Variants in TRAF2 observed in about 807,000 individuals in gnomAD.
TRAF2 encodes the protein TNF receptor-associated factor 2.
TRAF2 carries 6 observed loss-of-function variants against 55.6 expected under a neutral mutation model. The observed-to-expected ratio is 0.11, with a 90% CI of 0.06 to 0.21. The LOEUF is 0.21. TRAF2 is among the 10% of genes least tolerant of loss of function. The pLI is 1.00. For synonymous variants in TRAF2, 329 were observed against 276.3 expected (o/e 1.19, Z -1.89); for missense variants, 561 against 684.5 (o/e 0.82, Z 2.01).
chr9:136,898,585 G>A lies in TRAF2; in HGVS notation c.-28-128G>A, dbSNP rs1849740883. ...TGAAGCTCTGCGATTCTGCTTCTCT[G>A]AGTCTTGACCGCAGGTCAGTGGGGA... On this transcript the variant is annotated intron_variant, in intron 1 of 10. Coordinates refer to ENST00000247668, the MANE Select transcript of TRAF2 (RefSeq NM_021138.4). 7 of 1,463,716 alleles carry A rather than the reference G, an allele frequency of 4.8e-6. No homozygotes were observed. The Admixed American group carries it at 1.6e-4, about 34-fold the overall frequency. The allele number at this position is 1,463,716 out of a possible 1,614,324, so 90.7% of individuals were successfully genotyped here. A position where few individuals can be genotyped will look rare whatever the true frequency, so the allele number is the denominator to read the frequency against.
At chr9:136,907,633 T>C (rs2131305931) in intron 4 of TRAF2, among the ~76,000 whole-genome samples, 1 of 152,206 alleles carries the variant, frequency 6.6e-6, no homozygotes, top group South Asian at 2.1e-4. Context: ...GCAATGAGGA[T>C]GGGGCTGGGA....
chr9:136,921,581 G>T (rs1015396033), intron 9 of TRAF2, among the ~76,000 whole-genome samples: 33 of 152,110 alleles, frequency 2.2e-4, no homozygotes, highest in Non-Finnish European at 4.4e-5. Flanking sequence ...GGCGGGTGGG[G>T]GTGGCTGTGG....
At chr9:136,902,876 C>G (rs554620739) in intron 4 of TRAF2, among the ~76,000 whole-genome samples, 1 of 152,068 alleles carries the variant, frequency 6.6e-6, no homozygotes, top group Non-Finnish European at 1.5e-5. Flanking sequence ...CCTTGATGGT[C>G]GGAACTTTAT....
chr9:136,920,372 G>A lies in TRAF2; in HGVS notation c.817G>A (p.Glu273Lys), dbSNP rs755691522. 4 of 1,614,128 alleles carry A rather than the reference G, an allele frequency of 2.5e-6. No homozygotes were observed. Among genetic ancestry groups the A allele is most frequent in the Middle Eastern group, 1.6e-4 (1 of 6,062 alleles). The stretch of plus-strand genomic sequence containing the variant: ...GGGGTCAGAGCTCCTGCAGAGGTGC[G>A]AGAGCCTGGAGAAGAAGACGGCCAC... ...HAGSELLQRC[E>K]SLEKKTATFE... Residue 273 changes from glutamate (E) to lysine (K), a missense_variant, in exon 8 of 11, where the codon GAG becomes AAG. Transcript: ENST00000247668.
intron 1 of TRAF2, among the ~76,000 whole-genome samples, chr9:136,894,490 T>C (rs1849642190): frequency 6.6e-6 from 1 of 152,042 alleles, no homozygotes; most frequent in African/African-American, 2.4e-5. Flanking sequence ...ACCTCAGGGT[T>C]GCCAAGGGGC....
chr9:136,897,803 C>CG, intron 1 of TRAF2, among the ~76,000 whole-genome samples: 1 of 139,694 alleles, frequency 7.2e-6, no homozygotes, highest in Non-Finnish European at 1.5e-5. Context: ...TGCTACGTTC[C>CG]GCTCTCGGGG....
intron 10 of TRAF2, among the ~76,000 whole-genome samples, chr9:136,925,022 C>T (rs1225456787): frequency 6.6e-6 from 1 of 152,220 alleles, no homozygotes; most frequent in African/African-American, 2.4e-5. Flanking sequence ...TAGGCGTGAG[C>T]CACTGTGCCT....
At chr9:136,924,988 T>C (rs768227931) in intron 10 of TRAF2, among the ~76,000 whole-genome samples, 43 of 152,308 alleles carry the variant, frequency 2.8e-4, no homozygotes, top group Non-Finnish European at 4.6e-4. Context: ...CCGCCCACCT[T>C]GGCCTCCCAA....
At position 136,900,615 on chromosome 9, in the gene TRAF2, C is replaced by T. The variant is rs1218383953; in HGVS notation, c.366+95C>T. ...AGTTATGACCTTGTCCTGCACGTTCCTCTCACTGGGGCTGAAGCCTGTCTG... is the reference window on the plus strand; with the variant it reads ...AGTTATGACCTTGTCCTGCACGTTCTTCTCACTGGGGCTGAAGCCTGTCTG... On this transcript the variant is annotated intron_variant, in intron 4 of 10. Coordinates refer to ENST00000247668, the MANE Select transcript of TRAF2 (RefSeq NM_021138.4). The T allele has an allele frequency of 3.1e-6, 3 of 981,530 alleles. No homozygotes were observed. The Admixed American group carries it at 5.8e-5, about 19-fold the overall frequency. The allele number at this position is 981,530 out of a possible 1,614,324, so 60.8% of individuals were successfully genotyped here. A position where few individuals can be genotyped will look rare whatever the true frequency, so the allele number is the denominator to read the frequency against.
chr9:136,882,699 G>A (rs1849388506), upstream of TRAF2: 11 of 985,370 alleles, frequency 1.1e-5, no homozygotes, highest in Middle Eastern at 5.2e-4. Context: ...CCTGAGCTGC[G>A]CCATGGCCAG....
intron 7 of TRAF2, among the ~76,000 whole-genome samples, chr9:136,918,762 G>C (rs1348729577): frequency 6.6e-6 from 1 of 151,972 alleles, no homozygotes; most frequent in Admixed American, 6.6e-5. Flanking sequence ...TTGAGACAGA[G>C]TCTTGCTCTG....
chr9:136,925,519 G>A (rs548687413), intron 10 of TRAF2, among the ~76,000 whole-genome samples, 164 bp from the exon 11 acceptor site: 4 of 152,252 alleles, frequency 2.6e-5, no homozygotes, highest in Non-Finnish European at 5.9e-5. Flanking sequence ...GGGCGCTGTG[G>A]CAGGAGCAAG....
At chr9:136,924,886 G>GCA (rs1416359735) in intron 10 of TRAF2, among the ~76,000 whole-genome samples, 18 of 151,948 alleles carry the variant, frequency 1.2e-4, no homozygotes, top group Non-Finnish European at 1.3e-4. Flanking sequence ...CTACAGGCAT[G>GCA]CACCACCACG....
chr9:136,886,230 G>A (rs922057695), upstream of TRAF2: 6 of 208,824 alleles, frequency 2.9e-5, no homozygotes, highest in Non-Finnish European at 3.3e-5. Context: ...CCAGCTCCCC[G>A]CACCAACGCC....
intron 4 of TRAF2, among the ~76,000 whole-genome samples, chr9:136,904,300 C>T (rs1849894518): frequency 6.6e-6 from 1 of 152,222 alleles, no homozygotes; most frequent in African/African-American, 2.4e-5. Context: ...AACTCCTGGG[C>T]TCAAGTGATC....
chr9:136,902,469 G>GAT (rs1849843858), intron 4 of TRAF2: 1 of 152,308 alleles, frequency 6.6e-6, no homozygotes, highest in Non-Finnish European at 1.5e-5. Flanking sequence ...AGGCTCATGG[G>GAT]ATGCCACATT....
rs187039543 is a variant in TRAF2, at chr9:136,925,011, G to A, written c.1288-672G>A. 8.2e-3 allele frequency among the ~76,000 whole-genome samples: 1,250 copies of A among 152,294 alleles called. 9 individuals are homozygous for A. The highest frequency in any genetic ancestry group is 0.051 in the Middle Eastern group (15 of 294). The stretch of plus-strand genomic sequence containing the variant: ...CTTGGCCTCCCAAAGTGCTGGGATT[G>A]TAGGCGTGAGCCACTGTGCCTGGCC... On this transcript the variant is annotated intron_variant, in intron 10 of 10. Coordinates refer to ENST00000247668, the MANE Select transcript of TRAF2 (RefSeq NM_021138.4).
upstream of TRAF2, among the ~76,000 whole-genome samples, chr9:136,883,546 T>C (rs1849398070): frequency 6.6e-6 from 1 of 152,168 alleles, no homozygotes; most frequent in Non-Finnish European, 1.5e-5. Flanking sequence ...AGATGGAGTC[T>C]TGCTCTGTCA....
rs147459885 is a variant in TRAF2 at position 136,925,746 on chromosome 9, G to A, written c.1351G>A (p.Val451Met). Residue 451 changes from valine (V) to methionine (M), a missense_variant, in exon 11 of 11, where the codon GTG becomes ATG. This residue lies in a region of TRAF2 where 135 missense variants were observed against 207.7 expected (regional missense o/e 0.65). Transcript: ENST00000247668. ...EHVIDAFRPD[V>M]TSSSFQRPVN... ...CGTGATTGACGCCTTCAGGCCCGAC[G>A]TGACTTCATCCTCTTTTCAGAGGCC... 3.8e-5 allele frequency: 61 copies of A among 1,614,232 alleles called. No individual in the cohort carries two copies. Among genetic ancestry groups the A allele is most frequent in the Admixed American group, 3.0e-4 (18 of 60,038 alleles).
Sources: allele counts gnomAD v4.1 joint callset (sites outside exome capture counted in the v4.1 genomes callset), GRCh38; gene constraint gnomAD v4.1.1; regional missense constraint gnomAD v4.1.1; transcripts MANE v1.5; gene names NCBI Gene and HGNC (gene_info 2026-07-23, HGNC 2026-07-21).